The following SNAPC5 variants were observed in gnomAD, a reference collection of about 807,000 sequenced individuals.
The protein encoded by SNAPC5 is small nuclear RNA activating complex polypeptide 5.
SNAPC5 carries 12 observed loss-of-function variants against 9.1 expected under a neutral mutation model. The observed-to-expected ratio is 1.32, with a 90% CI of 0.85 to 2.15. The LOEUF (loss-of-function observed/expected upper bound fraction) is 2.15, where lower values mean the gene tolerates loss of function less well. Among genes scored for constraint, SNAPC5 ranks in the 30% most tolerant of loss-of-function variants. The pLI, the probability that SNAPC5 is intolerant of heterozygous loss-of-function variation, is 0.00. For missense variants in SNAPC5, 132 were observed against 114.4 expected (o/e 1.15, Z -0.70); for synonymous variants, 52 against 47.3 (o/e 1.10, Z -0.41).
At chr15:66,494,856 C>G (rs1893373925) in intron 2 of SNAPC5, 1 of 338,832 alleles carries the variant, frequency 3.0e-6, no homozygotes, top group Admixed American at 4.5e-5. Flanking sequence ...CACACAAAAT[C>G]TGGGAGAACT....
At position 66,494,197 on chromosome 15, in the gene SNAPC5, A is replaced by G. The variant is rs965186666; in HGVS notation, c.*239T>C. 82 of 450,212 alleles carry G rather than the reference A, an allele frequency of 1.8e-4. No individual in the cohort carries two copies. Among genetic ancestry groups the G allele is most frequent in the Non-Finnish European group, 2.8e-4 (69 of 247,672 alleles). 27.9% of individuals were successfully genotyped at this position (450,212 alleles called of 1,614,324 possible). ...AACTGAATCTGACCAGATTACAGAC[A>G]GCACCACCCATATTACTCAATGCTA... On this transcript the variant is annotated 3_prime_UTR_variant, in exon 3 of 3. Coordinates refer to ENST00000316634, the MANE Select transcript of SNAPC5 (RefSeq NM_001329615.2).
downstream of SNAPC5, chr15:66,490,502 G>T (rs558326525): frequency 6.2e-7 from 1 of 1,607,458 alleles, no homozygotes; most frequent in South Asian, 1.1e-5. Context: ...TTACATGCAG[G>T]TTCATGCTTT....
chr15:66,489,833 G>C, downstream of SNAPC5: 3 of 1,321,260 alleles, frequency 2.3e-6, no homozygotes, highest in East Asian at 4.6e-5. Context: ...AGTCATCTGT[G>C]CAGTACTTCC....
At chr15:66,493,045 T>A (rs139780224), downstream of SNAPC5, among the ~76,000 whole-genome samples, 14 of 152,356 alleles carry the variant, frequency 9.2e-5, no homozygotes, top group East Asian at 2.5e-3. Flanking sequence ...CCATTGTGTG[T>A]TCTAAGGAAC....
downstream of SNAPC5, among the ~76,000 whole-genome samples, chr15:66,492,811 A>AT (rs1893299941): frequency 6.6e-6 from 1 of 152,182 alleles, no homozygotes; most frequent in African/African-American, 2.4e-5. Flanking sequence ...AAATGATCTC[A>AT]TTAGCACCTC....
At chr15:66,490,568 A>G (rs373794940), downstream of SNAPC5, 17 of 1,614,090 alleles carry the variant, frequency 1.1e-5, no homozygotes, top group African/African-American at 5.3e-5. Context: ...CTGCTCCACC[A>G]TCGGCCTTAA....
Position 66,494,660 on chromosome 15 carries a change from G to A in SNAPC5, c.181-108C>T, listed in dbSNP as rs1893368905. 7.8e-6 allele frequency: 6 copies of A among 766,544 alleles called. No individual in the cohort carries two copies. The Admixed American group carries it at 8.8e-5, about 11-fold the overall frequency. 47.5% of individuals were successfully genotyped at this position (766,544 alleles called of 1,614,324 possible). On this transcript the variant is annotated intron_variant, in intron 2 of 2. Coordinates refer to ENST00000316634, the MANE Select transcript of SNAPC5 (RefSeq NM_001329615.2). The stretch of plus-strand genomic sequence containing the variant: ...GATCTCAATTGCATATCTATCCCCA[G>A]TACTTATGACTAAGAGGTATGGCCA...
chr15:66,494,756 TTACCTCATTTACAAACA>T, intron 2 of SNAPC5: 1 of 502,844 alleles, frequency 2.0e-6, no homozygotes, highest in Non-Finnish European at 3.5e-6. Flanking sequence ...CAGTAGAATG[TTACCTCATTTACAAACA>T]TTATTACACA....
chr15:66,490,090 CAG>C (rs144671181), downstream of SNAPC5: 2,165 of 535,120 alleles, frequency 4.0e-3, 35 homozygotes, highest in African/African-American at 0.037. Flanking sequence ...AGCCTCCTTC[CAG>C]AGTCACTCTC....
chr15:66,490,448 T>G, downstream of SNAPC5: 1 of 1,295,308 alleles, frequency 7.7e-7, no homozygotes, highest in Non-Finnish European at 1.1e-6. Flanking sequence ...TCCTGGTGGG[T>G]TTTGTTTTTT....
At chr15:66,492,126 C>T (rs1038681279), downstream of SNAPC5, 25 of 450,196 alleles carry the variant, frequency 5.6e-5, no homozygotes, top group Admixed American at 9.5e-5. Flanking sequence ...ATGTGCCTGG[C>T]GCTGGCTTTG....
chr15:66,490,096 C>T, downstream of SNAPC5: 1 of 531,754 alleles, frequency 1.9e-6, no homozygotes, highest in South Asian at 2.1e-5. Flanking sequence ...CTTCCAGAGT[C>T]ACTCTCCGCC....
rs1595893691 is a variant in SNAPC5, at chr15:66,497,740, G to A, written c.-9C>T. The A allele has an allele frequency of 1.2e-6, 2 of 1,606,754 alleles. No homozygotes were observed. Among genetic ancestry groups the A allele is most frequent in the Non-Finnish European group, 1.7e-6 (2 of 1,175,266 alleles). ...TGAAGCCGGCTCAGCATGTTGCCTG[G>A]TCACATAGCCAACCTCCGGGCTGCT... On this transcript the variant is annotated 5_prime_UTR_variant, in exon 1 of 3. Coordinates refer to ENST00000316634, the MANE Select transcript of SNAPC5 (RefSeq NM_001329615.2).
At chr15:66,490,800 T>G (rs1893231676), downstream of SNAPC5, 12 of 680,414 alleles carry the variant, frequency 1.8e-5, no homozygotes, top group South Asian at 1.7e-4. Flanking sequence ...TTCTTATTAC[T>G]ATTATTGTTC....
chr15:66,490,632 A>T (rs777783461), downstream of SNAPC5: 7 of 1,596,322 alleles, frequency 4.4e-6, no homozygotes, highest in East Asian at 1.6e-4. Flanking sequence ...GGGAAGCAAC[A>T]AAGAGCGAGT....
downstream of SNAPC5, chr15:66,491,779 G>C (rs1385004657): frequency 1.9e-5 from 7 of 359,432 alleles, no homozygotes; most frequent in Middle Eastern, 1.0e-3. Context: ...CACCTTCCTT[G>C]TGGGACCTGT....
In SNAPC5 at chr15:66,494,524, G is replaced by A; in HGVS notation, c.209C>T (p.Ser70Leu). The change falls in exon 3 of 3, where the codon TCA becomes TTA. Residue 70 changes from serine to leucine, a missense_variant. Physicochemically the swap from Ser to Leu is moderately radical, Grantham distance 145. Transcript: ENST00000316634. ...DMLVHVDNEA[S>L]INQTTLELST... is the part of the protein sequence containing the mutation. ...CAGCTCCAGGGTTGTTTGGTTGATTGATGCTTCATTGTCTACATGCACCAA... is the reference window on the plus strand; with the variant it reads ...CAGCTCCAGGGTTGTTTGGTTGATTAATGCTTCATTGTCTACATGCACCAA... 1 of 1,613,908 alleles carries A rather than the reference G, an allele frequency of 6.2e-7. No individual in the cohort carries two copies. Among genetic ancestry groups the A allele is most frequent in the Non-Finnish European group, 8.5e-7 (1 of 1,179,890 alleles).
chr15:66,491,755 G>A, downstream of SNAPC5: 1 of 358,224 alleles, frequency 2.8e-6, no homozygotes, highest in African/African-American at 2.2e-5. Flanking sequence ...ACCCTTATCT[G>A]TGACTCTTCC....
intron 1 of SNAPC5, among the ~76,000 whole-genome samples, chr15:66,496,517 C>A (rs902505937): frequency 2.0e-5 from 3 of 148,226 alleles, no homozygotes; most frequent in African/African-American, 7.4e-5. Context: ...TAATAACCTC[C>A]CTGGGACTTT....
Sources: allele counts gnomAD v4.1 joint callset (sites outside exome capture counted in the v4.1 genomes callset), GRCh38; gene constraint gnomAD v4.1.1; transcripts MANE v1.5; gene names NCBI Gene and HGNC (gene_info 2026-07-23, HGNC 2026-07-21).